QKI: variants seen among roughly 807,000 people sequenced by gnomAD.
The protein encoded by QKI is QKI, KH domain containing RNA binding, also known as KH domain-containing RNA-binding protein QKI.
Under a neutral mutation model 39.0 loss-of-function variants are expected in QKI, and 10 were observed. That is an observed-to-expected ratio of 0.26 (90% confidence interval 0.16 to 0.43). The LOEUF (loss-of-function observed/expected upper bound fraction) is 0.43, where lower values mean the gene tolerates loss of function less well. Ranked by LOEUF, QKI falls within the 20% of genes least tolerant of loss-of-function variation. QKI has a pLI of 1.00. For synonymous variants in QKI, 204 were observed against 155.4 expected, an observed-to-expected ratio of 1.31 and a Z score of -2.33; for missense variants, 218 against 428.0, an observed-to-expected ratio of 0.51 and a Z score of 4.33.
At chr6:163,439,678 CAG>C (rs1264413113) in intron 1 of QKI, among the ~76,000 whole-genome samples, 3 of 111,282 alleles carry the variant, frequency 2.7e-5, no homozygotes, top group Non-Finnish European at 5.6e-5. Context: ...TTTTTTGAAA[CAG>C]AGTCTCACTC....
In QKI at chr6:163,572,689, T is replaced by C. The variant is rs1037404130; in HGVS notation, c.*1979T>C. 1 of 5,940 alleles carries C rather than the reference T, an allele frequency of 1.7e-4. No individual in the cohort carries two copies. The highest frequency in any genetic ancestry group is 6.9e-3 in the East Asian group (1 of 144). 0.4% of individuals were successfully genotyped at this position (5,940 alleles called of 1,614,324 possible). Reference sequence around the variant, plus strand: ...CAGTGGACCCCCCCCCCCGCCCAGCTTATCAACTCGTCCCCTCTTCCACAC... The same window carrying C: ...CAGTGGACCCCCCCCCCCGCCCAGCCTATCAACTCGTCCCCTCTTCCACAC... On this transcript the variant is annotated 3_prime_UTR_variant, in exon 8 of 8. Transcript: ENST00000361752.
intron 2 of QKI, among the ~76,000 whole-genome samples, chr6:163,462,721 G>A (rs1251495488): frequency 6.6e-6 from 1 of 152,164 alleles, no homozygotes; most frequent in Non-Finnish European, 1.5e-5. Context: ...TGTGTGGTCT[G>A]TGCTAGGTAA....
intron 4 of QKI, among the ~76,000 whole-genome samples, chr6:163,550,534 G>A (rs1299887550): frequency 6.6e-6 from 1 of 152,156 alleles, no homozygotes; most frequent in Non-Finnish European, 1.5e-5. Context: ...TTCTAACAGG[G>A]CAAATCCAGA....
intron 3 of QKI, among the ~76,000 whole-genome samples, chr6:163,514,683 C>T (rs531542885): frequency 6.1e-4 from 93 of 152,246 alleles, no homozygotes; most frequent in African/African-American, 2.2e-3. Context: ...GAGAAATTTA[C>T]ATGAGAAGTG....
At position 163,570,644 on chromosome 6, in the gene QKI, C is replaced by A. The variant is rs144501363; in HGVS notation, c.1010-50C>A. On this transcript the variant is annotated intron_variant, in intron 7 of 7. Transcript: ENST00000361752. The stretch of plus-strand genomic sequence containing the variant: ...TAGCTGAAACTAATCTCTTCTCTAT[C>A]TTTTCTTTTCTTTTTTTTGTTTTGT... 1.9e-4 allele frequency: 298 copies of A among 1,602,752 alleles called. 2 individuals carry two copies. The African/African-American group carries it at 3.5e-3, about 19-fold the overall frequency.
chr6:163,566,126 T>G, intron 6 of QKI: 1 of 1,433,416 alleles, frequency 7.0e-7, no homozygotes, highest in Non-Finnish European at 9.2e-7. Flanking sequence ...TGTTATTAAT[T>G]TGGTTTAGTC....
At chr6:163,492,942 A>AT (rs1247217277) in intron 3 of QKI, among the ~76,000 whole-genome samples, 1 of 152,162 alleles carries the variant, frequency 6.6e-6, no homozygotes, top group African/African-American at 2.4e-5. Flanking sequence ...ATAAAAATGA[A>AT]TTTTTTCTTA....
At chr6:163,552,886 C>T (rs1486373659) in intron 4 of QKI, among the ~76,000 whole-genome samples, 3 of 151,902 alleles carry the variant, frequency 2.0e-5, no homozygotes, top group East Asian at 3.9e-4. Context: ...ACTTTCAGAA[C>T]TTTTTGTCAG....
intron 3 of QKI, among the ~76,000 whole-genome samples, chr6:163,505,321 G>A (rs537465489): frequency 3.9e-5 from 6 of 152,280 alleles, no homozygotes; most frequent in Admixed American, 1.3e-4. Context: ...ATGGCCTAAT[G>A]GAGCTATGAG....
In QKI at chr6:163,563,726, TC is replaced by T; in HGVS notation, c.934+8del. 1 of 1,610,158 alleles carries T rather than the reference TC, an allele frequency of 6.2e-7. No homozygotes were observed. The highest frequency in any genetic ancestry group is 8.5e-7 in the Non-Finnish European group (1 of 1,177,374). ...GAACCTAGTGGTGTATTAGGTAAGT[TC>T]TTCTCCCCATGGGGTTAACAACATT... On this transcript the variant is annotated splice_region_variant and intron_variant, in intron 6 of 7. Transcript: ENST00000361752.
intron 3 of QKI, among the ~76,000 whole-genome samples, chr6:163,484,265 C>CA (rs1793304037): frequency 6.6e-6 from 1 of 150,838 alleles, no homozygotes. Flanking sequence ...TGTAGTGGTG[C>CA]AATCTCAGGT....
At chr6:163,443,906 T>G (rs567691890) in intron 1 of QKI, among the ~76,000 whole-genome samples, 1 of 152,208 alleles carries the variant, frequency 6.6e-6, no homozygotes, top group African/African-American at 2.4e-5. Context: ...GGCATCGGTT[T>G]CATTTTCAGT....
intron 2 of QKI, among the ~76,000 whole-genome samples, chr6:163,469,430 C>T (rs7754815): frequency 0.028 from 4,232 of 152,074 alleles, 192 homozygotes; most frequent in African/African-American, 0.096. Flanking sequence ...TAGTTAGTGA[C>T]AATTTGGGAA....
chr6:163,566,601 T>C lies in QKI; in HGVS notation c.935-120T>C, dbSNP rs1047616842. 9.8e-6 allele frequency: 15 copies of C among 1,536,810 alleles called. No individual in the cohort carries two copies. The African/African-American group carries it at 1.8e-4, about 18-fold the overall frequency. On this transcript the variant is annotated intron_variant, in intron 6 of 7. Coordinates refer to ENST00000361752, the MANE Select transcript of QKI (RefSeq NM_006775.3). ...TTTAAAACTACTGTGCCTTAACGTG[T>C]TTCTTAAACTTTTGTAGTAAATGAA...
chr6:163,568,742 A>G (rs1402237448), intron 7 of QKI: 1 of 985,474 alleles, frequency 1.0e-6, no homozygotes, highest in Non-Finnish European at 1.2e-6. Context: ...GAACGTTTAG[A>G]GTACTACATG....
chr6:163,502,829 C>T (rs746164775), intron 3 of QKI, among the ~76,000 whole-genome samples: 3 of 152,086 alleles, frequency 2.0e-5, no homozygotes, highest in Non-Finnish European at 4.4e-5. Context: ...TTGCATGTGT[C>T]TTTTTGGTAG....
rs759749866 is a variant in QKI at position 163,415,181 on chromosome 6, C to A, written c.-13C>A. 2.0e-6 allele frequency: 3 copies of A among 1,532,702 alleles called. No homozygotes were observed. Among genetic ancestry groups the A allele is most frequent in the Non-Finnish European group, 2.6e-6 (3 of 1,132,760 alleles). The allele number at this position is 1,532,702 out of a possible 1,614,324, so 94.9% of individuals were successfully genotyped here. On this transcript the variant is annotated 5_prime_UTR_variant, in exon 1 of 8. Coordinates refer to ENST00000361752, the MANE Select transcript of QKI (RefSeq NM_006775.3). ...CGGCGGCGGCGGGCGGAGTGAGCTG[C>A]GGAGCCTGGAATATGGTCGGGGAAA...
intron 3 of QKI, among the ~76,000 whole-genome samples, chr6:163,531,074 C>G (rs1385891874): frequency 6.6e-6 from 1 of 152,122 alleles, no homozygotes; most frequent in Non-Finnish European, 1.5e-5. Flanking sequence ...AGTTTGTCTT[C>G]CAACCTTCTA....
At chr6:163,476,492 G>A (rs906947384) in intron 2 of QKI, among the ~76,000 whole-genome samples, 4 of 152,028 alleles carry the variant, frequency 2.6e-5, no homozygotes, top group African/African-American at 9.7e-5. Context: ...CCTTAATTTG[G>A]GGTGACCCCC....
Sources: gnomAD v4.1 joint callset for allele counts (sites outside exome capture counted in the v4.1 genomes callset) on GRCh38, gnomAD v4.1.1 for gene constraint, MANE v1.5 for transcripts, NCBI Gene and HGNC (gene_info 2026-07-23, HGNC 2026-07-21) for gene names.